The following ANXA8 variants were observed in gnomAD, a reference collection of about 807,000 sequenced individuals.
The protein encoded by ANXA8 is VAC-beta.
ANXA8 carries 9 observed loss-of-function variants against 26.8 expected under a neutral mutation model. That is an observed-to-expected ratio of 0.34 (90% CI 0.20 to 0.59). The LOEUF (loss-of-function observed/expected upper bound fraction) is 0.59, where lower values mean the gene tolerates loss of function less well. ANXA8 is among the 20% of genes least tolerant of loss of function. The probability of loss-of-function intolerance (pLI) is 0.84; values close to 1 mark genes in which losing one functional copy is unlikely to be tolerated. For missense variants in ANXA8, 83 were observed against 238.5 expected (o/e 0.35, Z 4.29); for synonymous variants, 39 against 94.8 (o/e 0.41, Z 3.42).
At chr10:47,487,668 T>C (rs1217357179), upstream of ANXA8, among the ~76,000 whole-genome samples, 1 of 147,396 alleles carries the variant, frequency 6.8e-6, no homozygotes, top group Admixed American at 6.8e-5. Flanking sequence ...AAATGCCTGC[T>C]TATGTCTTTT....
the ANXA8 span, among the ~76,000 whole-genome samples, chr10:47,707,216 A>T: frequency 7.0e-6 from 1 of 143,334 alleles, no homozygotes; most frequent in Non-Finnish European, 1.6e-5. Context: ...TTGGTTACTC[A>T]TTTTACCAAT....
the ANXA8 span, among the ~76,000 whole-genome samples, chr10:47,734,121 A>G: frequency 6.9e-6 from 1 of 145,228 alleles, no homozygotes; most frequent in Non-Finnish European, 1.5e-5. Flanking sequence ...CTGCCACGTG[A>G]ACGGTGGATT....
chr10:47,656,894 A>G, the ANXA8 span, among the ~76,000 whole-genome samples: 97 of 148,728 alleles, frequency 6.5e-4, no homozygotes, highest in African/African-American at 2.4e-3. Context: ...GTATTTATAG[A>G]GAGATTAGTC....
At chr10:47,701,711 A>G in the ANXA8 span, among the ~76,000 whole-genome samples, 2 of 151,790 alleles carry the variant, frequency 1.3e-5, 1 homozygote, top group South Asian at 4.2e-4. Flanking sequence ...CCAGAAACTA[A>G]AGAGATTGGT....
the ANXA8 span, among the ~76,000 whole-genome samples, chr10:47,647,939 T>G: frequency 2.6e-5 from 4 of 151,758 alleles, no homozygotes; most frequent in African/African-American, 9.7e-5. Flanking sequence ...ACATACGGAC[T>G]TCCTCAGAAG....
chr10:47,947,857 G>C, the ANXA8 span, among the ~76,000 whole-genome samples: 1 of 150,676 alleles, frequency 6.6e-6, no homozygotes, highest in Non-Finnish European at 1.5e-5. Flanking sequence ...TAAAAATTAG[G>C]TTGTGGATGT....
chr10:47,607,579 A>T, the ANXA8 span, among the ~76,000 whole-genome samples: 2 of 123,664 alleles, frequency 1.6e-5, no homozygotes, highest in South Asian at 2.5e-4. Flanking sequence ...TTATTATATT[A>T]GTAAAAAAGT....
At chr10:47,770,053 CAG>C in the ANXA8 span, among the ~76,000 whole-genome samples, 1 of 146,520 alleles carries the variant, frequency 6.8e-6, no homozygotes, top group Admixed American at 6.9e-5. Context: ...TTTAAACTAC[CAG>C]ATCTTGCCTG....
chr10:47,624,747 A>G, the ANXA8 span, among the ~76,000 whole-genome samples: 1 of 29,944 alleles, frequency 3.3e-5, no homozygotes, highest in East Asian at 4.3e-4. Context: ...CCTTTGAATT[A>G]TTTATTTTTT....
chr10:47,607,569 T>G, the ANXA8 span, among the ~76,000 whole-genome samples: 1 of 131,474 alleles, frequency 7.6e-6, no homozygotes, highest in East Asian at 2.2e-4. Flanking sequence ...TTGCAAATTT[T>G]TATTATATTA....
chr10:47,553,956 C>G, the ANXA8 span, among the ~76,000 whole-genome samples: 11 of 149,334 alleles, frequency 7.4e-5, no homozygotes, highest in African/African-American at 2.5e-5. Flanking sequence ...CGAGGGAGAT[C>G]TCGCGTTCTG....
the ANXA8 span, among the ~76,000 whole-genome samples, chr10:47,687,651 C>T: frequency 3.3e-5 from 5 of 151,950 alleles, no homozygotes; most frequent in Admixed American, 2.6e-4. Flanking sequence ...TTTTGCTGTG[C>T]TATTTGGGGC....
At chr10:47,489,935 G>A in the ANXA8 span, among the ~76,000 whole-genome samples, 3 of 150,548 alleles carry the variant, frequency 2.0e-5, no homozygotes, top group African/African-American at 7.4e-5. Flanking sequence ...ATTTGGAGAC[G>A]CCAGGGCCTT....
chr10:47,905,785 G>A, the ANXA8 span, among the ~76,000 whole-genome samples: 7 of 138,780 alleles, frequency 5.0e-5, 1 homozygote, highest in South Asian at 1.7e-3. Flanking sequence ...TAAAACATTG[G>A]GCAGTTTCCA....
At chr10:47,948,447 C>CA in the ANXA8 span, among the ~76,000 whole-genome samples, 1 of 126,016 alleles carries the variant, frequency 7.9e-6, no homozygotes, top group Non-Finnish European at 1.6e-5. Context: ...ATACAAGGGC[C>CA]AAAAATAAAA....
chr10:47,497,957 A>T, the ANXA8 span, among the ~76,000 whole-genome samples: 2 of 152,056 alleles, frequency 1.3e-5, no homozygotes, highest in African/African-American at 4.8e-5. Context: ...ATGAAAAAAT[A>T]ATAATTCTAT....
chr10:47,956,587 C>T, the ANXA8 span, among the ~76,000 whole-genome samples: 1 of 150,120 alleles, frequency 6.7e-6, no homozygotes, highest in African/African-American at 2.5e-5. Context: ...TTCCATTGGC[C>T]ATTTTCTTTT....
the ANXA8 span, among the ~76,000 whole-genome samples, chr10:47,958,251 G>A: frequency 8.0e-5 from 12 of 149,690 alleles, no homozygotes; most frequent in Non-Finnish European, 1.2e-4. Context: ...AGCCGAGGCC[G>A]GCAGAGCACT....
At chr10:47,744,794 C>A in the ANXA8 span, among the ~76,000 whole-genome samples, 1 of 151,876 alleles carries the variant, frequency 6.6e-6, no homozygotes, top group Non-Finnish European at 1.5e-5. Flanking sequence ...CTCCTCCCTG[C>A]CCCTGGGATA....
Sources: allele counts gnomAD v4.1 joint callset (sites outside exome capture counted in the v4.1 genomes callset), GRCh38; gene constraint gnomAD v4.1.1; transcripts MANE v1.5; gene names NCBI Gene and HGNC (gene_info 2026-07-23, HGNC 2026-07-21).